Variants in PCYOX1L observed in about 807,000 individuals in gnomAD.
PCYOX1L encodes prenylcysteine oxidase 1 like.
A neutral mutation model predicts 44.1 loss-of-function variants in PCYOX1L; 40 were observed. That is an observed-to-expected ratio of 0.91 (90% CI 0.70 to 1.18). The LOEUF (loss-of-function observed/expected upper bound fraction) is 1.18. PCYOX1L is among the 50% of genes most tolerant of loss of function. PCYOX1L has a pLI of 0.00. For missense variants in PCYOX1L, 605 were observed against 653.3 expected (o/e 0.93, Z 0.81); for synonymous variants, 266 against 282.8 (o/e 0.94, Z 0.60).
At chr5:149,362,938 A>G (rs1758061266) in intron 2 of PCYOX1L, 95 bp downstream of exon 2, 3 of 1,346,196 alleles carry the variant, frequency 2.2e-6, no homozygotes, top group African/African-American at 2.9e-5. Context: ...CAAGGCCAGA[A>G]GGTCATGTGG....
chr5:149,358,214 T>C, intron 1 of PCYOX1L, 58 bp downstream of exon 1: 1 of 1,375,712 alleles, frequency 7.3e-7, no homozygotes, highest in South Asian at 1.6e-5. Flanking sequence ...TAAAGGGTTC[T>C]CAGTTCTCAG....
chr5:149,359,201 A>C (rs1311697433), intron 1 of PCYOX1L, among the ~76,000 whole-genome samples: 1 of 152,050 alleles, frequency 6.6e-6, no homozygotes. Flanking sequence ...CCGCTAGGCC[A>C]CTCTCCATGC....
Position 149,369,634 on chromosome 5 carries a change from G to A in PCYOX1L, c.*980G>A, listed in dbSNP as rs1758352987. Reference sequence around the variant, plus strand: ...AAAAATCACTTGTTTTAAAAAGAAAGTAAAAGCCCTTTTCATTCCTTTTGG... The same window carrying A: ...AAAAATCACTTGTTTTAAAAAGAAAATAAAAGCCCTTTTCATTCCTTTTGG... On this transcript the variant is annotated 3_prime_UTR_variant, in exon 6 of 6. Coordinates refer to ENST00000274569, the MANE Select transcript of PCYOX1L (RefSeq NM_024028.4). 3 of 152,182 alleles carry A rather than the reference G, an allele frequency of 2.0e-5. No homozygotes were observed. The highest frequency in any genetic ancestry group is 2.9e-5 in the Non-Finnish European group (2 of 68,030). 9.4% of individuals were successfully genotyped at this position (152,182 alleles called of 1,614,324 possible).
intron 3 of PCYOX1L, 54 bp downstream of exon 3, chr5:149,364,264 G>A (rs1758126018): frequency 6.2e-7 from 1 of 1,602,702 alleles, no homozygotes; most frequent in South Asian, 1.1e-5. Flanking sequence ...AGAAGAGGTG[G>A]GGGAGGAACC....
At chr5:149,358,293 G>A in intron 1 of PCYOX1L, 137 bp downstream of exon 1, 2 of 1,227,716 alleles carry the variant, frequency 1.6e-6, no homozygotes, top group Non-Finnish European at 2.1e-6. Context: ...GTGGAGGAGA[G>A]GCGCCGAAGG....
chr5:149,364,339 C>A, intron 3 of PCYOX1L, 129 bp downstream of exon 3: 2 of 1,160,972 alleles, frequency 1.7e-6, no homozygotes, highest in Non-Finnish European at 2.4e-6. Context: ...CAATTCAGTG[C>A]AGGCTCAGAG....
At chr5:149,362,351 T>C (rs1343496846) in intron 1 of PCYOX1L, 1 of 438,726 alleles carries the variant, frequency 2.3e-6, no homozygotes, top group Non-Finnish European at 4.2e-6. Flanking sequence ...TTTATTCTCT[T>C]TAATTGGTCA....
At chr5:149,367,278 C>T in intron 4 of PCYOX1L, 82 bp from the exon 5 acceptor site, 2 of 1,479,844 alleles carry the variant, frequency 1.4e-6, no homozygotes, top group South Asian at 1.4e-5. Flanking sequence ...CAGGGAGGCC[C>T]AGTCGAATAG....
intron 3 of PCYOX1L, 88 bp downstream of exon 3, chr5:149,364,298 A>G: frequency 2.0e-6 from 3 of 1,501,264 alleles, no homozygotes; most frequent in Admixed American, 2.0e-5. Flanking sequence ...TTTGTGAAAA[A>G]GGAAAAGGTC....
chr5:149,358,406 G>A lies in PCYOX1L; in HGVS notation c.88+250G>A, dbSNP rs555384134. On this transcript the variant is annotated intron_variant, in intron 1 of 5. Coordinates refer to ENST00000274569, the MANE Select transcript of PCYOX1L (RefSeq NM_024028.4). Reference sequence around the variant, plus strand: ...GGCAGGACTGGCCGCGGATCTCACCGGGAGGTCCAGGGTCGCTGAGCATCT... The same window carrying A: ...GGCAGGACTGGCCGCGGATCTCACCAGGAGGTCCAGGGTCGCTGAGCATCT... 2.0e-5 allele frequency among the ~76,000 whole-genome samples: 3 copies of A among 152,344 alleles called. No individual in the cohort carries two copies. In the South Asian group the frequency reaches 6.2e-4, roughly 32 times the overall value.
Position 149,363,327 on chromosome 5 carries a change from G to A in PCYOX1L, c.295+484G>A, listed in dbSNP as rs556005939. 14 of 332,340 alleles carry A rather than the reference G, an allele frequency of 4.2e-5. No homozygotes were observed. In the East Asian group the frequency reaches 1.1e-3, roughly 25 times the overall value. The allele number at this position is 332,340 out of a possible 1,614,324, so 20.6% of individuals were successfully genotyped here. ...TCCAATACACGTTCTGTTTGATGCA[G>A]AAACTCTGCTTCTCAGAAGTGATGC... is the stretch of plus-strand genomic sequence containing the variant. On this transcript the variant is annotated intron_variant, in intron 2 of 5. Coordinates refer to ENST00000274569, the MANE Select transcript of PCYOX1L (RefSeq NM_024028.4).
Position 149,358,130 on chromosome 5 carries a change from G to A in PCYOX1L, c.62G>A (p.Gly21Asp). The A allele has an allele frequency of 1.4e-6, 2 of 1,458,270 alleles. No individual in the cohort carries two copies. The highest frequency in any genetic ancestry group is 1.8e-6 in the Non-Finnish European group (2 of 1,108,164). The allele number at this position is 1,458,270 out of a possible 1,614,324, so 90.3% of individuals were successfully genotyped here. A position where few individuals can be genotyped will look rare whatever the true frequency, so the allele number is the denominator to read the frequency against. The change falls in exon 1 of 6, where the codon GGC (glycine) becomes GAC (aspartate). Residue 21 changes from glycine to aspartate, a missense_variant. Physicochemically the swap from Gly to Asp is moderately conservative, Grantham distance 94. Transcript: ENST00000274569. ...GCGCTCCTCGCCGCCGCCGCTGCTG[G>A]CGGAGATGCCCCGCCGGGCAAAATC... The part of the protein sequence containing the change: ...LTALLAAAAA[G>D]GDAPPGKIAV...
chr5:149,366,275 T>C, intron 4 of PCYOX1L, 122 bp downstream of exon 4: 1 of 984,278 alleles, frequency 1.0e-6, no homozygotes, highest in East Asian at 2.6e-5. Flanking sequence ...ATAGGCACTC[T>C]GCTGCCCCAT....
At chr5:149,359,815 T>A (rs1757957752) in intron 1 of PCYOX1L, among the ~76,000 whole-genome samples, 1 of 152,236 alleles carries the variant, frequency 6.6e-6, no homozygotes, top group South Asian at 2.1e-4. Flanking sequence ...CGGGAGCCTC[T>A]GTTCATCCTT....
At chr5:149,360,687 G>A (rs1757983574) in intron 1 of PCYOX1L, among the ~76,000 whole-genome samples, 1 of 152,180 alleles carries the variant, frequency 6.6e-6, no homozygotes, top group Non-Finnish European at 1.5e-5. Context: ...GAGGGCTGTT[G>A]AAGCCAGTGA....
chr5:149,364,274 C>A, intron 3 of PCYOX1L, 64 bp downstream of exon 3: 1 of 1,589,014 alleles, frequency 6.3e-7, no homozygotes, highest in Non-Finnish European at 8.6e-7. Context: ...GGGGAGGAAC[C>A]AGCTTGCCTG....
rs1476349310 is a variant in PCYOX1L, at chr5:149,368,081, G to A, written c.912G>A (p.Leu304=). The A allele has an allele frequency of 2.5e-6, 4 of 1,609,170 alleles. No individual in the cohort carries two copies. Among genetic ancestry groups the A allele is most frequent in the Middle Eastern group, 1.7e-4 (1 of 6,044 alleles). ...ACATCGTGGTCATCGCCACCCCCCT[G>A]CACCTGGACAACAGCAGCAGCAACT... is the stretch of plus-strand genomic sequence containing the variant. The part of the protein sequence containing the change: ...FYDIVVIATP[L]HLDNSSSNLT... Residue 304 remains leucine, a synonymous_variant, in exon 6 of 6, where the codon CTG becomes CTA. Transcript: ENST00000274569.
intron 1 of PCYOX1L, among the ~76,000 whole-genome samples, chr5:149,360,733 G>T (rs1416977231): frequency 1.3e-5 from 2 of 152,202 alleles, no homozygotes; most frequent in Non-Finnish European, 2.9e-5. Flanking sequence ...AAAGGGAACA[G>T]CTCGGACAAA....
intron 1 of PCYOX1L, among the ~76,000 whole-genome samples, chr5:149,359,435 G>A (rs974897132): frequency 7.2e-5 from 11 of 152,238 alleles, no homozygotes; most frequent in Non-Finnish European, 1.6e-4. Context: ...CATGGAGAAG[G>A]TGGAGTTTGA....
Sources: allele counts gnomAD v4.1 joint callset (sites outside exome capture counted in the v4.1 genomes callset), GRCh38; gene constraint gnomAD v4.1.1; transcripts MANE v1.5; gene names NCBI Gene and HGNC (gene_info 2026-07-23, HGNC 2026-07-21).